HPX: variants seen among roughly 807,000 people sequenced by gnomAD.
HPX encodes the protein beta-1B-glycoprotein.
Under a neutral mutation model 53.8 loss-of-function variants are expected in HPX, and 42 were observed. That is an observed-to-expected ratio of 0.78 (90% CI 0.61 to 1.01). The LOEUF (loss-of-function observed/expected upper bound fraction) is 1.01. HPX is among the 50% of genes least tolerant of loss of function. The probability of loss-of-function intolerance (pLI) is 0.00; values close to 1 mark genes in which losing one functional copy is unlikely to be tolerated. For synonymous variants in HPX, 229 were observed against 221.1 expected (o/e 1.04, Z -0.32); for missense variants, 547 against 594.3 (o/e 0.92, Z 0.83).
At chr11:6,438,318 C>T (rs1477131742) in intron 5 of HPX, 38 bp downstream of exon 5, 2 of 1,606,796 alleles carry the variant, frequency 1.2e-6, no homozygotes, top group East Asian at 2.2e-5. Flanking sequence ...TACCAACCCA[C>T]CACTACTCCA....
chr11:6,438,426 T>C lies in HPX; in HGVS notation c.420A>G (p.Pro140=). The change falls in exon 5 of 10, where the codon CCA becomes CCG. Residue 140 remains proline, a synonymous_variant. Coordinates refer to ENST00000265983, the MANE Select transcript of HPX (RefSeq NM_000613.3). ...ATTCCACAGCTGCATCCAGTGGGGA[T>C]GGGATTCCAGGAAATTCATCTTGGA... is the stretch of plus-strand genomic sequence containing the variant. The part of the protein sequence containing the change: ...KLLQDEFPGI[P]SPLDAAVECH... 9 of 1,614,132 alleles carry C rather than the reference T, an allele frequency of 5.6e-6. No homozygotes were observed. Among genetic ancestry groups the C allele is most frequent in the Non-Finnish European group, 7.6e-6 (9 of 1,179,960 alleles).
In HPX at chr11:6,438,479, T is replaced by C. The variant is rs1358773393; in HGVS notation, c.367A>G (p.Lys123Glu). The C allele has an allele frequency of 2.5e-6, 4 of 1,614,132 alleles. No homozygotes were observed. Among genetic ancestry groups the C allele is most frequent in the Non-Finnish European group, 3.4e-6 (4 of 1,179,966 alleles). Residue 123 changes from lysine to glutamate, a missense_variant, in exon 5 of 10, where the codon AAG becomes GAG. By Grantham distance (56) the Lys-to-Glu change is moderately conservative. Coordinates refer to ENST00000265983, the MANE Select transcript of HPX (RefSeq NM_000613.3). ...GDKVWVYPPE[K>E]KEKGYPKLLQ... ...AACTTTGGGTATCCTTTCTCCTTCT[T>C]TTCAGGAGGGTATACCCAGACTTTG...
intron 4 of HPX, chr11:6,439,939 T>C (rs554320348): frequency 1.3e-5 from 8 of 597,376 alleles, no homozygotes; most frequent in Non-Finnish European, 2.1e-5. Context: ...AGCAGAGCGG[T>C]GTAGAACTAA....
rs767215622 is a variant in HPX at position 6,437,428 on chromosome 11, G to C, written c.703+12C>G. The C allele has an allele frequency of 3.7e-6, 6 of 1,610,326 alleles. No individual in the cohort carries two copies. The highest frequency in any genetic ancestry group is 5.1e-6 in the Non-Finnish European group (6 of 1,177,646). On this transcript the variant is annotated intron_variant, in intron 6 of 9. Coordinates refer to ENST00000265983, the MANE Select transcript of HPX (RefSeq NM_000613.3). ...GAATTCTGACAGGTCTCAAGTGCTA[G>C]GGCTTTCTCACCTCTGCCAGGGCAG... is the stretch of plus-strand genomic sequence containing the variant.
chr11:6,434,964 C>T (rs1849396223), intron 7 of HPX, among the ~76,000 whole-genome samples: 1 of 152,096 alleles, frequency 6.6e-6, no homozygotes, highest in South Asian at 2.1e-4. Flanking sequence ...CGTGGTTGCT[C>T]ATGCCTGTAA....
At chr11:6,438,814 C>T (rs58037559) in intron 4 of HPX, among the ~76,000 whole-genome samples, 4,595 of 152,316 alleles carry the variant, frequency 0.03, 245 homozygotes, top group African/African-American at 0.1. Flanking sequence ...CCTGCAATCA[C>T]CCATACGTTA....
At chr11:6,439,368 G>C (rs1384360395) in intron 4 of HPX, among the ~76,000 whole-genome samples, 1 of 152,238 alleles carries the variant, frequency 6.6e-6, no homozygotes, top group Non-Finnish European at 1.5e-5. Context: ...TACTGAAACA[G>C]GAAACACAGG....
intron 7 of HPX, among the ~76,000 whole-genome samples, chr11:6,435,685 C>T (rs1442960375): frequency 1.3e-5 from 2 of 152,082 alleles, no homozygotes; most frequent in Non-Finnish European, 2.9e-5. Flanking sequence ...AGGCTCAAGC[C>T]GCTCAAGCAA....
intron 7 of HPX, among the ~76,000 whole-genome samples, chr11:6,434,223 T>C (rs895863492): frequency 1.3e-5 from 2 of 152,124 alleles, no homozygotes; most frequent in Admixed American, 1.3e-4. Flanking sequence ...CTACCACAAG[T>C]TCTCTTATTA....
At chr11:6,437,364 C>T in intron 6 of HPX, 76 bp downstream of exon 6, 1 of 1,433,410 alleles carries the variant, frequency 7.0e-7, no homozygotes, top group Non-Finnish European at 9.8e-7. Flanking sequence ...AAAGTGAGAG[C>T]TAGGACACGT....
Position 6,440,983 on chromosome 11 carries a change from A to C in HPX, c.-20T>G, listed in dbSNP as rs769540766. 22 of 1,579,524 alleles carry C rather than the reference A, an allele frequency of 1.4e-5. No homozygotes were observed. The highest frequency in any genetic ancestry group is 1.8e-5 in the Admixed American group (1 of 56,886). ...AGCCATGCTGAGCTGCAGAGGCCAC[A>C]GGACAGCTCTGGGTGACCAGTTGAA... On this transcript the variant is annotated 5_prime_UTR_variant, in exon 1 of 10. Coordinates refer to ENST00000265983, the MANE Select transcript of HPX (RefSeq NM_000613.3).
intron 7 of HPX, 27 bp from the exon 8 acceptor site, chr11:6,432,044 G>A: frequency 1.2e-6 from 2 of 1,613,438 alleles, no homozygotes; most frequent in Non-Finnish European, 1.7e-6. Flanking sequence ...GTTGCTCTAG[G>A]GCCGCTGGCA....
At position 6,440,468 on chromosome 11, in the gene HPX, T is replaced by C; in HGVS notation, c.213A>G (p.Lys71=). 1.9e-6 allele frequency: 3 copies of C among 1,608,584 alleles called. No individual in the cohort carries two copies. Among genetic ancestry groups the C allele is most frequent in the Non-Finnish European group, 2.5e-6 (3 of 1,178,484 alleles). Residue 71 remains lysine, a splice_region_variant and synonymous_variant, in exon 3 of 10, where the codon AAA becomes AAG. Transcript: ENST00000265983. ...CGCCCTAACCTCAGTCCCTCCTACCTTTAAAAAACAGCATGGTTCCATTGT... is the reference window on the plus strand; with the variant it reads ...CGCCCTAACCTCAGTCCCTCCTACCCTTAAAAAACAGCATGGTTCCATTGT... ...LDDNGTMLFF[K]GEFVWKSHKW...
In HPX at chr11:6,440,940, G is replaced by A. The variant is rs151128069; in HGVS notation, c.24C>T (p.Pro8=). 8,402 of 1,608,984 alleles carry A rather than the reference G, an allele frequency of 5.2e-3. 33 individuals are homozygous for A. Among genetic ancestry groups the A allele is most frequent in the Admixed American group, 8.2e-3 (488 of 59,538 alleles). ...ATAGGCTCCACAACCCCAGTGCAAC[G>A]GGTGCTCCCAGTACCCTAGCCATGC... MARVLGA[P]VALGLWSLCW... is the part of the protein sequence containing the mutation. The change falls in exon 1 of 10, where the codon CCC becomes CCT. Residue 8 remains proline (P), a synonymous_variant. Transcript: ENST00000265983.
chr11:6,435,969 C>A (rs937489777), intron 7 of HPX, among the ~76,000 whole-genome samples: 2 of 152,174 alleles, frequency 1.3e-5, no homozygotes, highest in Admixed American at 6.5e-5. Context: ...CACTCTCTCT[C>A]TCTTTCTGCA....
intron 9 of HPX, 52 bp downstream of exon 9, chr11:6,431,589 C>A: frequency 6.2e-7 from 1 of 1,609,186 alleles, no homozygotes; most frequent in South Asian, 1.1e-5. Context: ...GGATCTATGC[C>A]ACAGACAGGT....
chr11:6,437,766 C>A (rs1278641392), intron 5 of HPX, 114 bp from the exon 6 acceptor site: 2 of 756,926 alleles, frequency 2.6e-6, no homozygotes, highest in East Asian at 5.3e-5. Flanking sequence ...GAGCTCACAG[C>A]CATCAGAGAG....
In HPX at chr11:6,434,966, T is replaced by C. The variant is rs1192868569; in HGVS notation, c.835+2080A>G. 3.3e-5 allele frequency among the ~76,000 whole-genome samples: 5 copies of C among 152,096 alleles called. No individual in the cohort carries two copies. The East Asian group carries it at 7.7e-4, about 23-fold the overall frequency. On this transcript the variant is annotated intron_variant, in intron 7 of 9. Transcript: ENST00000265983. ...ATGAGGGGCCAGGCGTGGTTGCTCA[T>C]GCCTGTAATCCTAGCACTTTGGGAG... is the stretch of plus-strand genomic sequence containing the variant.
At position 6,431,641 on chromosome 11, in the gene HPX, C is replaced by T. The variant is rs1196903836; in HGVS notation, c.1129G>A (p.Gly377Arg). The change falls in exon 9 of 10, where the codon GGA becomes AGA. Residue 377 changes from glycine to arginine, a missense_variant and splice_region_variant. By Grantham distance (125) the Gly-to-Arg change is moderately radical (BLOSUM62 -2). Coordinates refer to ENST00000265983, the MANE Select transcript of HPX (RefSeq NM_000613.3). ...CTCTAAGCACCCAGAAGCCCCTCAC[C>T]TGCCATGATATGGAGCCGAGAAGAC... Reference protein sequence around the residue: ...PGSSRLHIMAGRRLWWLDLKS... With the variant: ...PGSSRLHIMARRRLWWLDLKS... The T allele has an allele frequency of 6.2e-7, 1 of 1,613,536 alleles. No homozygotes were observed.
Sources: allele counts gnomAD v4.1 joint callset (sites outside exome capture counted in the v4.1 genomes callset), GRCh38; gene constraint gnomAD v4.1.1; transcripts MANE v1.5; gene names NCBI Gene and HGNC (gene_info 2026-07-23, HGNC 2026-07-21).